COL11A1: variants seen among roughly 807,000 people sequenced by gnomAD.
COL11A1 encodes collagen type XI alpha 1 chain, also known as collagen alpha-1(XI) chain.
A neutral mutation model predicts 265.2 loss-of-function variants in COL11A1; 74 were observed. The ratio of observed to expected loss-of-function variants is 0.28; its 90% CI spans 0.23 to 0.34. COL11A1 has a LOEUF of 0.34. Ranked by LOEUF, COL11A1 falls within the 10% of genes least tolerant of loss-of-function variation. The probability of loss-of-function intolerance (pLI) is 1.00; values close to 1 mark genes in which losing one functional copy is unlikely to be tolerated. For synonymous variants in COL11A1, 816 were observed against 727.6 expected (o/e 1.12, Z -1.96); for missense variants, 2,165 against 2,263.6 (o/e 0.96, Z 0.88).
intron 38 of COL11A1, 148 bp downstream of exon 38, chr1:102,965,339 C>T (rs948909164): frequency 5.0e-5 from 40 of 793,926 alleles, no homozygotes; most frequent in African/African-American, 2.8e-4. Flanking sequence ...ATTTGATGTA[C>T]GAAAGCTGCA....
At chr1:103,001,219 A>C (rs1239395258) in intron 24 of COL11A1, 2 of 397,646 alleles carry the variant, frequency 5.0e-6, no homozygotes, top group African/African-American at 2.1e-5. Context: ...TTTAGTAAAA[A>C]TAATTCACTT....
intron 4 of COL11A1, among the ~76,000 whole-genome samples, chr1:103,067,482 T>C (rs1671246039): frequency 2.6e-5 from 4 of 151,756 alleles, no homozygotes; most frequent in Admixed American, 2.6e-4. Flanking sequence ...CAGCTAAAAC[T>C]GTGTTTAGAG....
chr1:103,086,384 G>T (rs951777101), intron 1 of COL11A1, among the ~76,000 whole-genome samples: 1 of 152,012 alleles, frequency 6.6e-6, no homozygotes, highest in African/African-American at 2.4e-5. Context: ...ACATAAAATG[G>T]ACTGCAAAGT....
rs768204381 is a variant in COL11A1 at position 103,017,912 on chromosome 1, G to A, written c.1351-30C>T. On this transcript the variant is annotated intron_variant, in intron 10 of 66. Coordinates refer to ENST00000370096, the MANE Select transcript of COL11A1 (RefSeq NM_001854.4). ...AGAGAAACACACCATATCTTAATCA[G>A]ATTCCTAATCTCATTAATATTTAGA... 44 of 1,535,184 alleles carry A rather than the reference G, an allele frequency of 2.9e-5. No homozygotes were observed. The South Asian group carries it at 4.8e-4, about 17-fold the overall frequency.
intron 48 of COL11A1, among the ~76,000 whole-genome samples, chr1:102,920,588 A>G (rs944605444): frequency 1.3e-5 from 2 of 152,196 alleles, no homozygotes; most frequent in East Asian, 1.9e-4. Context: ...TTTTGAAGAT[A>G]AAGCAGGAGA....
chr1:103,086,907 G>C lies in COL11A1; in HGVS notation c.107-3935C>G, dbSNP rs574342971. On this transcript the variant is annotated intron_variant, in intron 1 of 66. Coordinates refer to ENST00000370096, the MANE Select transcript of COL11A1 (RefSeq NM_001854.4). ...TTTTATTTCAAGTGAACTAAATAATGAATTAAGCTACTTTGAAATTCTGCC... is the reference window on the plus strand; with the variant it reads ...TTTTATTTCAAGTGAACTAAATAATCAATTAAGCTACTTTGAAATTCTGCC... Among the ~76,000 whole-genome samples the C allele has an allele frequency of 2.0e-5, 3 of 151,706 alleles. No homozygotes were observed. The South Asian group carries it at 6.2e-4, about 32-fold the overall frequency.
At chr1:102,972,753 G>A (rs1662086255) in intron 36 of COL11A1, among the ~76,000 whole-genome samples, 2 of 152,056 alleles carry the variant, frequency 1.3e-5, no homozygotes, top group Admixed American at 1.3e-4. Flanking sequence ...GTGAAAACTT[G>A]TAGGTAATTG....
At position 102,887,053 on chromosome 1, in the gene COL11A1, G is replaced by T; in HGVS notation, c.4612C>A (p.Pro1538Thr). 6.2e-7 allele frequency: 1 copy of T among 1,613,718 alleles called. No individual in the cohort carries two copies. The highest frequency in any genetic ancestry group is 1.1e-5 in the South Asian group (1 of 91,060). ...GLPGPPGSPG[P>T]PGEVIQPLPI... The stretch of plus-strand genomic sequence containing the variant: ...AAAGGCTGAATGACTTCACCAGGTG[G>T]ACCCTGTAAAGAAGATAATGTGAGT... Residue 1538 changes from proline to threonine, a missense_variant, in exon 63 of 67, where the codon CCA becomes ACA. Physicochemically the swap from Pro to Thr is conservative, Grantham distance 38. Coordinates refer to ENST00000370096, the MANE Select transcript of COL11A1 (RefSeq NM_001854.4).
intron 50 of COL11A1, 69 bp downstream of exon 50, chr1:102,915,562 T>A: frequency 1.5e-6 from 2 of 1,316,602 alleles, no homozygotes; most frequent in Non-Finnish European, 2.2e-6. Flanking sequence ...AGTTGTTACA[T>A]GTTTGTAATG....
intron 41 of COL11A1, among the ~76,000 whole-genome samples, chr1:102,948,996 A>C (rs1659599980): frequency 6.6e-6 from 1 of 152,146 alleles, no homozygotes; most frequent in Middle Eastern, 3.4e-3. Context: ...GAGGTGGATA[A>C]GAAGAAGAGC....
intron 5 of COL11A1, among the ~76,000 whole-genome samples, chr1:103,029,451 A>G (rs939380690): frequency 1.3e-4 from 20 of 152,008 alleles, no homozygotes; most frequent in Non-Finnish European, 2.5e-4. Context: ...AGCACTACTT[A>G]CTAATTCAAT....
intron 1 of COL11A1, among the ~76,000 whole-genome samples, chr1:103,101,602 A>T (rs1381614671): frequency 6.6e-6 from 1 of 151,936 alleles, no homozygotes; most frequent in Non-Finnish European, 1.5e-5. Context: ...TCAGTTTACC[A>T]GTCAAACAGA....
intron 4 of COL11A1, among the ~76,000 whole-genome samples, chr1:103,065,975 G>A (rs771584474): frequency 6.6e-6 from 1 of 151,994 alleles, no homozygotes; most frequent in Non-Finnish European, 1.5e-5. Flanking sequence ...AAAACACAGG[G>A]ACCAGAGACA....
rs774043430 is a variant in COL11A1 at position 102,961,880 on chromosome 1, G to A, written c.3154C>T (p.Pro1052Ser). ...GLKGGEGPQG[P>S]PGPVGSPGER... is the part of the protein sequence containing the mutation. ...ATCATACTTACAACTGGACCTGGTG[G>A]GCCCTGGGGACCTTCCCCTCCTTTC... Residue 1052 changes from proline (P) to serine (S), a missense_variant, in exon 41 of 67, where the codon CCA becomes TCA. Pro to Ser is a moderately conservative substitution (Grantham distance 74). Coordinates refer to ENST00000370096, the MANE Select transcript of COL11A1 (RefSeq NM_001854.4). 33 of 1,613,154 alleles carry A rather than the reference G, an allele frequency of 2.0e-5. 1 individual carries two copies. Among genetic ancestry groups the A allele is most frequent in the South Asian group, 1.5e-4 (14 of 90,950 alleles).
intron 1 of COL11A1, among the ~76,000 whole-genome samples, chr1:103,096,051 C>T (rs1571272288): frequency 1.3e-5 from 2 of 151,862 alleles, no homozygotes; most frequent in African/African-American, 4.8e-5. Flanking sequence ...ATTTAAAAAC[C>T]ATTGGAAGGT....
At chr1:102,962,510 T>G in intron 39 of COL11A1, 143 bp downstream of exon 39, 3 of 812,636 alleles carry the variant, frequency 3.7e-6, no homozygotes, top group Non-Finnish European at 6.3e-6. Context: ...AGCAATATCT[T>G]GGAGTACAAT....
At chr1:102,934,805 C>T (rs759395618) in intron 45 of COL11A1, among the ~76,000 whole-genome samples, 5 of 152,044 alleles carry the variant, frequency 3.3e-5, no homozygotes, top group Non-Finnish European at 7.4e-5. Context: ...TGTCTAATAA[C>T]GGAAATAATT....
chr1:103,007,229 T>G (rs1571014194), intron 15 of COL11A1, among the ~76,000 whole-genome samples: 1 of 152,186 alleles, frequency 6.6e-6, no homozygotes, highest in East Asian at 1.9e-4. Flanking sequence ...TGAAGCAAAT[T>G]ATTGACTGGC....
chr1:102,957,687 C>G (rs988988108), intron 41 of COL11A1, among the ~76,000 whole-genome samples: 1 of 151,974 alleles, frequency 6.6e-6, no homozygotes, highest in Non-Finnish European at 1.5e-5. Context: ...TTCTCACTCT[C>G]TTTTGACAAA....
Sources: allele counts gnomAD v4.1 joint callset (sites outside exome capture counted in the v4.1 genomes callset), GRCh38; gene constraint gnomAD v4.1.1; transcripts MANE v1.5; gene names NCBI Gene and HGNC (gene_info 2026-07-23, HGNC 2026-07-21).